The following NLGN2 variants were observed in gnomAD, a reference collection of about 807,000 sequenced individuals.
The protein encoded by NLGN2 is neuroligin 2, also known as neuroligin-2.
A neutral mutation model predicts 48.6 loss-of-function variants in NLGN2; 11 were observed. The observed-to-expected ratio is 0.23, with a 90% confidence interval of 0.14 to 0.37. The LOEUF (loss-of-function observed/expected upper bound fraction) is 0.37, where lower values mean the gene tolerates loss of function less well. Among genes scored for constraint, NLGN2 ranks in the 10% least tolerant of loss-of-function variants. The pLI, the probability that NLGN2 is intolerant of heterozygous loss-of-function variation, is 1.00. For missense variants in NLGN2, 801 were observed against 1,225.2 expected, an observed-to-expected ratio of 0.65 and a Z score of 5.17; for synonymous variants, 548 against 550.0, an observed-to-expected ratio of 1.00 and a Z score of 0.05.
In NLGN2 at chr17:7,417,121, C is replaced by A; in HGVS notation, c.1830C>A (p.Asn610Lys). The part of the protein sequence containing the change: ...FWLELVPHLH[N>K]LHTELFTTTT... Reference sequence around the variant, plus strand: ...TGGAGCTCGTGCCCCACCTGCACAACCTGCACACGGAGCTCTTCACCACCA... The same window carrying A: ...TGGAGCTCGTGCCCCACCTGCACAAACTGCACACGGAGCTCTTCACCACCA... Residue 610 changes from asparagine to lysine, a missense_variant, in exon 7 of 7, where the codon AAC (asparagine) becomes AAA (lysine). Asn to Lys is a moderately conservative substitution (Grantham distance 94). Around this residue, in one of 5 missense-constraint regions of NLGN2, gnomAD observed 303 missense variants for 600.1 expected, o/e 0.50. Transcript: ENST00000302926. 1.9e-6 allele frequency: 3 copies of A among 1,612,076 alleles called. No homozygotes were observed. Among genetic ancestry groups the A allele is most frequent in the Non-Finnish European group, 2.5e-6 (3 of 1,179,886 alleles).
At chr17:7,407,413 C>T (rs1440657140), upstream of NLGN2, among the ~76,000 whole-genome samples, 1 of 152,110 alleles carries the variant, frequency 6.6e-6, no homozygotes, top group East Asian at 1.9e-4. Flanking sequence ...AAATCCTTAG[C>T]GAATGGTGTG....
In NLGN2 at chr17:7,417,909, T is replaced by C. The variant is rs1247709502; in HGVS notation, c.*110T>C. ...TCTCCTGTGGAGTCGTCACACGCCA[T>C]CCAGCAGCGCTAAGGTGGACATGGG... On this transcript the variant is annotated 3_prime_UTR_variant, in exon 7 of 7. Transcript: ENST00000302926. The C allele has an allele frequency of 9.7e-7, 1 of 1,032,542 alleles. No individual in the cohort carries two copies. Among genetic ancestry groups the C allele is most frequent in the Non-Finnish European group, 1.3e-6 (1 of 788,304 alleles). The allele number at this position is 1,032,542 out of a possible 1,614,324, so 64.0% of individuals were successfully genotyped here.
At chr17:7,410,475 C>G (rs1906837141) in intron 1 of NLGN2, among the ~76,000 whole-genome samples, 1 of 152,066 alleles carries the variant, frequency 6.6e-6, no homozygotes, top group East Asian at 1.9e-4. Context: ...CCTCTGCCAT[C>G]CCAGCGCCTG....
chr17:7,409,564 C>G (rs997010226), intron 1 of NLGN2, among the ~76,000 whole-genome samples: 1 of 152,032 alleles, frequency 6.6e-6, no homozygotes, highest in Non-Finnish European at 1.5e-5. Flanking sequence ...CCCCCCTGCA[C>G]CCCGCATGGC....
Position 7,417,226 on chromosome 17 carries a change from G to T in NLGN2, c.1935G>T (p.Pro645=), listed in dbSNP as rs367900044. 9.4e-5 allele frequency: 145 copies of T among 1,535,764 alleles called. No individual in the cohort carries two copies. Among genetic ancestry groups the T allele is most frequent in the Non-Finnish European group, 1.2e-4 (134 of 1,144,634 alleles). ...CCCCGGGCACACGCCGGCCCCCGCC[G>T]CCTGCCACCCTGCCTCCCGAGCCCG... ...AGAPGTRRPP[P]PATLPPEPEP... is the part of the protein sequence containing the mutation. The change falls in exon 7 of 7, where the codon CCG becomes CCT. Residue 645 remains proline (P), a synonymous_variant. Transcript: ENST00000302926.
chr17:7,417,679 G>GC lies in NLGN2; in HGVS notation c.2390dup (p.Pro798ThrfsTer200). 7.3e-7 allele frequency: 1 copy of GC among 1,362,282 alleles called. No homozygotes were observed. Among genetic ancestry groups the GC allele is most frequent in the Non-Finnish European group, 9.4e-7 (1 of 1,061,904 alleles). 84.4% of individuals were successfully genotyped at this position (1,362,282 alleles called of 1,614,324 possible). A position where few individuals can be genotyped will look rare whatever the true frequency, so the allele number is the denominator to read the frequency against. Reference sequence around the variant, plus strand: ...TGACCCTGCTGCCCAGTGGCCTGGGGCCACCGCCACCCCCACCGCCCCCCT... The same window carrying GC: ...TGACCCTGCTGCCCAGTGGCCTGGGGCCCACCGCCACCCCCACCGCCCCCCT... On this transcript the variant is annotated frameshift_variant, in exon 7 of 7. Transcript: ENST00000302926. LOFTEE classifies it high-confidence loss of function.
At position 7,417,250 on chromosome 17, in the gene NLGN2, C is replaced by G. The variant is rs372528711; in HGVS notation, c.1959C>G (p.Pro653=). The G allele has an allele frequency of 8.4e-5, 131 of 1,552,824 alleles. 2 individuals are homozygous for G. The East Asian group carries it at 3.2e-3, about 38-fold the overall frequency. The part of the protein sequence containing the change: ...PPPPATLPPE[P]EPEPGPRAYD... ...CGCCTGCCACCCTGCCTCCCGAGCC[C>G]GAGCCCGAGCCCGGCCCAAGGGCCT... is the stretch of plus-strand genomic sequence containing the variant. Residue 653 remains proline (P), a synonymous_variant, in exon 7 of 7, where the codon CCC becomes CCG. Coordinates refer to ENST00000302926, the MANE Select transcript of NLGN2 (RefSeq NM_020795.4).
At position 7,414,509 on chromosome 17, in the gene NLGN2, C is replaced by A. The variant is rs758552792; in HGVS notation, c.658+16C>A. On this transcript the variant is annotated intron_variant, in intron 3 of 6. Transcript: ENST00000302926. ...GGGGTGCTCGGTGAGGGTGGGCAGC[C>A]AACTCTGGGGCTCGGGGGAGTCTGG... is the stretch of plus-strand genomic sequence containing the variant. The A allele has an allele frequency of 6.3e-5, 102 of 1,611,788 alleles. No individual in the cohort carries two copies. The highest frequency in any genetic ancestry group is 1.3e-4 in the Admixed American group (8 of 59,972).
rs1906962755 is a variant in NLGN2 at position 7,413,045 on chromosome 17, G to A, written c.508+838G>A. On this transcript the variant is annotated intron_variant, in intron 2 of 6. Coordinates refer to ENST00000302926, the MANE Select transcript of NLGN2 (RefSeq NM_020795.4). This position sits in a 1 kb window ranked among gnomAD's most constrained non-coding sequence, Gnocchi z 4.9. ...GGTGGGGTGAGGATGGGAGAACTGAGGACAATTAGGACAGGACCTTGGAGG... is the reference window on the plus strand; with the variant it reads ...GGTGGGGTGAGGATGGGAGAACTGAAGACAATTAGGACAGGACCTTGGAGG... 6.6e-6 allele frequency among the ~76,000 whole-genome samples: 1 copy of A among 152,106 alleles called. No individual in the cohort carries two copies. Among genetic ancestry groups the A allele is most frequent in the African/African-American group, 2.4e-5 (1 of 41,394 alleles).
intron 2 of NLGN2, among the ~76,000 whole-genome samples, chr17:7,412,799 T>G (rs1906952274): frequency 6.6e-6 from 1 of 152,144 alleles, no homozygotes; most frequent in Non-Finnish European, 1.5e-5. Flanking sequence ...TGCAAAGAAT[T>G]TTTTTCTTTT....
In NLGN2 at chr17:7,417,202, C is replaced by T. The variant is rs1476784082; in HGVS notation, c.1911C>T (p.Ala637=). The change falls in exon 7 of 7, where the codon GCC becomes GCT. Residue 637 remains alanine (A), a synonymous_variant. Coordinates refer to ENST00000302926, the MANE Select transcript of NLGN2 (RefSeq NM_020795.4). ...GGCCGCCTCGTCCCCCCGCTGGCGC[C>T]CCGGGCACACGCCGGCCCCCGCCGC... ...TRWPPRPPAG[A]PGTRRPPPPA... is the part of the protein sequence containing the mutation. 6.4e-7 allele frequency: 1 copy of T among 1,560,320 alleles called. No individual in the cohort carries two copies. Among genetic ancestry groups the T allele is most frequent in the Non-Finnish European group, 8.7e-7 (1 of 1,155,092 alleles).
upstream of NLGN2, among the ~76,000 whole-genome samples, chr17:7,406,022 G>A (rs903303639): frequency 6.6e-6 from 1 of 152,184 alleles, no homozygotes; most frequent in African/African-American, 2.4e-5. Context: ...GGCAGACAGA[G>A]ATGAGGAGAG....
rs1223867965 is a variant in NLGN2, at chr17:7,417,598, C to T, written c.2307C>T (p.Tyr769=). 1.8e-5 allele frequency: 25 copies of T among 1,425,288 alleles called. No homozygotes were observed. Among genetic ancestry groups the T allele is most frequent in the Admixed American group, 2.8e-5 (1 of 35,270 alleles). The allele number at this position is 1,425,288 out of a possible 1,614,324, so 88.3% of individuals were successfully genotyped here. Residue 769 remains tyrosine (Y), a synonymous_variant, in exon 7 of 7, where the codon TAC becomes TAT. Transcript: ENST00000302926. ...TGCGCCCTGCCTGCCCGCCCGACTA[C>T]ACCCTGGCCCTGCGCCGGGCACCGG... ...EALRPACPPD[Y]TLALRRAPDD...
intron 6 of NLGN2, 120 bp from the exon 7 acceptor site, chr17:7,416,806 T>C (rs1907117719): frequency 7.9e-7 from 1 of 1,261,306 alleles, no homozygotes; most frequent in South Asian, 1.3e-5. Flanking sequence ...ACTTTTTCTC[T>C]GGCTTTCTTG....
At position 7,417,238 on chromosome 17, in the gene NLGN2, G is replaced by C. The variant is rs759056287; in HGVS notation, c.1947G>C (p.Leu649=). 11 of 1,537,020 alleles carry C rather than the reference G, an allele frequency of 7.2e-6. No individual in the cohort carries two copies. The South Asian group carries it at 9.9e-5, about 14-fold the overall frequency. The change falls in exon 7 of 7, where the codon CTG becomes CTC. Residue 649 remains leucine (L), a synonymous_variant. Coordinates refer to ENST00000302926, the MANE Select transcript of NLGN2 (RefSeq NM_020795.4). ...GTRRPPPPAT[L]PPEPEPEPGP... is the part of the protein sequence containing the mutation. Reference sequence around the variant, plus strand: ...GCCGGCCCCCGCCGCCTGCCACCCTGCCTCCCGAGCCCGAGCCCGAGCCCG... The same window carrying C: ...GCCGGCCCCCGCCGCCTGCCACCCTCCCTCCCGAGCCCGAGCCCGAGCCCG...
Position 7,415,749 on chromosome 17 carries a change from G to A in NLGN2, c.1276G>A (p.Val426Met), listed in dbSNP as rs1401837162. ...GTATGGCTACCCGGAAGGCAAGGAT[G>A]TGCTTCGGGAGACCATCAAGTTTAT... ...NLYGYPEGKDVLRETIKFMYT... is the reference protein window; with the variant it reads ...NLYGYPEGKDMLRETIKFMYT... Residue 426 changes from valine to methionine, a missense_variant, in exon 6 of 7, where the codon GTG becomes ATG. Physicochemically the swap from Val to Met is conservative, Grantham distance 21. Coordinates refer to ENST00000302926, the MANE Select transcript of NLGN2 (RefSeq NM_020795.4). 6.2e-7 allele frequency: 1 copy of A among 1,614,282 alleles called. No individual in the cohort carries two copies. The highest frequency in any genetic ancestry group is 1.7e-5 in the Admixed American group (1 of 60,038).
At position 7,415,669 on chromosome 17, in the gene NLGN2, A is replaced by G; in HGVS notation, c.1196A>G (p.Asp399Gly). The G allele has an allele frequency of 6.2e-7, 1 of 1,614,238 alleles. No homozygotes were observed. Among genetic ancestry groups the G allele is most frequent in the Non-Finnish European group, 8.5e-7 (1 of 1,180,042 alleles). ...GTGGAGGACTCTGCAGAGAGCGAGGACGGTGTGTCTGCCAGCGCCTTTGAC... is the reference window on the plus strand; with the variant it reads ...GTGGAGGACTCTGCAGAGAGCGAGGGCGGTGTGTCTGCCAGCGCCTTTGAC... ...KFVEDSAESE[D>G]GVSASAFDFT... is the part of the protein sequence containing the mutation. The change falls in exon 6 of 7, where the codon GAC becomes GGC. Residue 399 changes from aspartate to glycine, a missense_variant. By Grantham distance (94) the Asp-to-Gly change is moderately conservative (BLOSUM62 -1). This residue lies in a region of NLGN2 where 303 missense variants were observed against 600.1 expected (regional missense o/e 0.50). Coordinates refer to ENST00000302926, the MANE Select transcript of NLGN2 (RefSeq NM_020795.4).
upstream of NLGN2, chr17:7,404,900 C>A (rs933168706): frequency 6.6e-6 from 1 of 152,058 alleles, no homozygotes; most frequent in African/African-American, 2.4e-5. Flanking sequence ...GCGGCTGCTC[C>A]GCCGGCGGAT....
chr17:7,408,720 C>T lies in NLGN2; in HGVS notation c.457+8C>T, dbSNP rs371164130. The T allele has an allele frequency of 9.9e-6, 16 of 1,612,554 alleles. No homozygotes were observed. Among genetic ancestry groups the T allele is most frequent in the Non-Finnish European group, 1.1e-5 (13 of 1,179,482 alleles). On this transcript the variant is annotated splice_region_variant and intron_variant, in intron 1 of 6. Transcript: ENST00000302926. This position sits in a 1 kb window ranked among gnomAD's most constrained non-coding sequence, Gnocchi z 7.5. ...ACGTGCCCACCGAGGACGGTAAGGG[C>T]GCGGGCACAAAGCCGGGCACCCCGT...
Sources: allele counts gnomAD v4.1 joint callset (sites outside exome capture counted in the v4.1 genomes callset), GRCh38; gene constraint gnomAD v4.1.1; regional missense constraint gnomAD v4.1.1; non-coding constraint Gnocchi (gnomAD v3.1); transcripts MANE v1.5; gene names NCBI Gene and HGNC (gene_info 2026-07-23, HGNC 2026-07-21).